The following PTPRG variants were observed in gnomAD, a reference collection of about 807,000 sequenced individuals.
PTPRG encodes receptor-type tyrosine-protein phosphatase gamma.
In PTPRG, 102 loss-of-function variants were observed where a neutral mutation model predicts 165.3. The ratio of observed to expected loss-of-function variants is 0.62; its 90% CI spans 0.53 to 0.73. The LOEUF (loss-of-function observed/expected upper bound fraction) is 0.73. PTPRG is among the 30% of genes least tolerant of loss of function. PTPRG has a pLI of 0.00. For missense variants in PTPRG, 1,866 were observed against 1,861.4 expected (o/e 1.00, Z -0.05); for synonymous variants, 675 against 669.5 (o/e 1.01, Z -0.13).
intron 8 of PTPRG, among the ~76,000 whole-genome samples, chr3:62,169,595 C>T (rs2106739533): frequency 6.6e-6 from 1 of 152,088 alleles, no homozygotes; most frequent in African/African-American, 2.4e-5. Flanking sequence ...TCACAGAGCT[C>T]CGGAAATGCT....
At chr3:62,290,691 T>C (rs1559772555) in intron 28 of PTPRG, among the ~76,000 whole-genome samples, 1 of 152,002 alleles carries the variant, frequency 6.6e-6, no homozygotes, top group African/African-American at 2.4e-5. Flanking sequence ...CACTGTAAAA[T>C]AAGAAGTGCT....
intron 1 of PTPRG, among the ~76,000 whole-genome samples, chr3:61,706,533 C>G (rs2106728240): frequency 6.6e-6 from 1 of 150,888 alleles, no homozygotes; most frequent in South Asian, 2.1e-4. Flanking sequence ...CGCTCTTGTC[C>G]CCCAGGCTGA....
At chr3:62,060,126 C>T (rs561154789) in intron 4 of PTPRG, among the ~76,000 whole-genome samples, 3 of 150,430 alleles carry the variant, frequency 2.0e-5, no homozygotes, top group Non-Finnish European at 2.9e-5. Context: ...GCAGGAGGAT[C>T]GTTTGAGCCC....
At chr3:61,721,460 G>T (rs1047409876) in intron 1 of PTPRG, among the ~76,000 whole-genome samples, 9 of 152,138 alleles carry the variant, frequency 5.9e-5, no homozygotes, top group African/African-American at 2.2e-4. Flanking sequence ...CCTGGAAGAT[G>T]GTAGAGATGT....
intron 1 of PTPRG, among the ~76,000 whole-genome samples, chr3:61,657,659 T>C (rs1450009918): frequency 6.6e-6 from 1 of 152,152 alleles, no homozygotes; most frequent in Non-Finnish European, 1.5e-5. Context: ...TAGTGTCTCC[T>C]GTATGTGCCG....
chr3:61,570,721 G>A (rs1700035486), intron 1 of PTPRG, among the ~76,000 whole-genome samples: 1 of 152,216 alleles, frequency 6.6e-6, no homozygotes. Flanking sequence ...CCAGATTAGT[G>A]AGGAAATATT....
At chr3:61,639,407 A>G (rs1455546261) in intron 1 of PTPRG, among the ~76,000 whole-genome samples, 2 of 152,308 alleles carry the variant, frequency 1.3e-5, no homozygotes, top group South Asian at 2.1e-4. Context: ...TTTTGGTTCC[A>G]TATGAATTTT....
chr3:61,837,323 A>G (rs2036497290), intron 2 of PTPRG, among the ~76,000 whole-genome samples: 6 of 152,172 alleles, frequency 3.9e-5, no homozygotes, highest in Admixed American at 3.9e-4. Context: ...GCTGGGATTC[A>G]CAGGTGTGAG....
intron 2 of PTPRG, among the ~76,000 whole-genome samples, chr3:61,971,555 A>G (rs1230710244): frequency 6.6e-6 from 1 of 152,244 alleles, no homozygotes; most frequent in Non-Finnish European, 1.5e-5. Context: ...TCTTGTAACT[A>G]AAGGAAATTA....
At chr3:62,136,021 A>C (rs919188049) in intron 6 of PTPRG, among the ~76,000 whole-genome samples, 3 of 152,140 alleles carry the variant, frequency 2.0e-5, no homozygotes, top group Non-Finnish European at 4.4e-5. Context: ...CTGTCAGTTC[A>C]ACAAGCTCCT....
At chr3:61,702,338 T>A (rs2031014167) in intron 1 of PTPRG, among the ~76,000 whole-genome samples, 1 of 152,224 alleles carries the variant, frequency 6.6e-6, no homozygotes, top group Admixed American at 6.5e-5. Context: ...TCCTTACCTT[T>A]TAAAATATTG....
chr3:61,980,103 G>C (rs954894198), intron 2 of PTPRG, among the ~76,000 whole-genome samples: 6 of 152,066 alleles, frequency 3.9e-5, no homozygotes, highest in Non-Finnish European at 2.9e-5. Context: ...AAACCTTGTG[G>C]AGCATGATAC....
intron 2 of PTPRG, among the ~76,000 whole-genome samples, chr3:61,836,715 A>G (rs1228654012): frequency 6.7e-6 from 1 of 148,708 alleles, no homozygotes; most frequent in African/African-American, 2.5e-5. Context: ...GTTTGAAACC[A>G]GTTTTTTTGT....
intron 28 of PTPRG, among the ~76,000 whole-genome samples, chr3:62,289,092 G>A (rs909533074): frequency 2.0e-5 from 3 of 152,196 alleles, no homozygotes; most frequent in Non-Finnish European, 4.4e-5. Flanking sequence ...CCATTTACAA[G>A]TATCAGCTCA....
rs368185685 is a variant in PTPRG, at chr3:62,192,835, A to G, written c.1218+1182A>G. Among the ~76,000 whole-genome samples the G allele has an allele frequency of 1.8e-4, 28 of 152,356 alleles. 1 individual carries two copies. In the East Asian group the frequency reaches 4.4e-3, roughly 24 times the overall value. Reference sequence around the variant, plus strand: ...ATGAAACCCGTAATTGTATATGCACATGAAAAATGCAGTAGCACCAAGTGG... The same window carrying G: ...ATGAAACCCGTAATTGTATATGCACGTGAAAAATGCAGTAGCACCAAGTGG... On this transcript the variant is annotated intron_variant, in intron 9 of 29. Transcript: ENST00000474889.
chr3:61,867,530 T>C (rs2107428257), intron 2 of PTPRG, among the ~76,000 whole-genome samples: 1 of 152,216 alleles, frequency 6.6e-6, no homozygotes, highest in East Asian at 1.9e-4. Flanking sequence ...GCCCTTCACA[T>C]TTATTAACTT....
At chr3:61,784,399 T>C (rs972872254) in intron 2 of PTPRG, among the ~76,000 whole-genome samples, 2 of 152,246 alleles carry the variant, frequency 1.3e-5, no homozygotes, top group African/African-American at 4.8e-5. Context: ...TATGTAAATA[T>C]TTTTGATTCT....
chr3:61,642,034 C>T (rs998199034), intron 1 of PTPRG, among the ~76,000 whole-genome samples: 5 of 152,136 alleles, frequency 3.3e-5, no homozygotes, highest in East Asian at 1.9e-4. Flanking sequence ...CCCGCAAGGC[C>T]GCTGCAGGGC....
chr3:62,047,763 C>T (rs532987632), intron 4 of PTPRG, among the ~76,000 whole-genome samples: 3 of 152,180 alleles, frequency 2.0e-5, no homozygotes, highest in African/African-American at 7.2e-5. Context: ...AGGACCCCTT[C>T]GTCCTAGATA....
Sources: allele counts gnomAD v4.1 joint callset (sites outside exome capture counted in the v4.1 genomes callset), GRCh38; gene constraint gnomAD v4.1.1; transcripts MANE v1.5; gene names NCBI Gene and HGNC (gene_info 2026-07-23, HGNC 2026-07-21).